PDZRN3: variants seen among roughly 807,000 people sequenced by gnomAD.
The protein encoded by PDZRN3 is E3 ubiquitin-protein ligase PDZRN3.
A neutral mutation model predicts 85.7 loss-of-function variants in PDZRN3; 38 were observed. The ratio of observed to expected loss-of-function variants is 0.44; its 90% CI spans 0.34 to 0.58. The LOEUF (loss-of-function observed/expected upper bound fraction) is 0.58. Among genes scored for constraint, PDZRN3 ranks in the 20% least tolerant of loss-of-function variants. The pLI, the probability that PDZRN3 is intolerant of heterozygous loss-of-function variation, is 0.01. For synonymous variants in PDZRN3, 759 were observed against 638.0 expected (o/e 1.19, Z -2.86); for missense variants, 1,629 against 1,506.4 (o/e 1.08, Z -1.35).
intron 3 of PDZRN3, among the ~76,000 whole-genome samples, chr3:73,499,431 C>G (rs528942707): frequency 6.6e-6 from 1 of 152,318 alleles, no homozygotes; most frequent in East Asian, 1.9e-4. Context: ...CTCCCAGGCT[C>G]TCAGACCTGA....
chr3:73,453,845 C>T (rs1039280736), intron 3 of PDZRN3, among the ~76,000 whole-genome samples: 10 of 152,152 alleles, frequency 6.6e-5, no homozygotes, highest in African/African-American at 2.4e-4. Flanking sequence ...GATCTCTTTC[C>T]ATTTCCTGCA....
chr3:73,619,533 C>T (rs1559759943), intron 1 of PDZRN3, among the ~76,000 whole-genome samples: 1 of 152,160 alleles, frequency 6.6e-6, no homozygotes, highest in Non-Finnish European at 1.5e-5. Flanking sequence ...GACAGAAAGG[C>T]TGTGGGCAAG....
intron 3 of PDZRN3, among the ~76,000 whole-genome samples, chr3:73,468,387 T>C (rs534050590): frequency 6.2e-4 from 95 of 152,286 alleles, no homozygotes; most frequent in African/African-American, 2.3e-3. Context: ...CTTACAAATT[T>C]GTGTTGTTTT....
At chr3:73,402,941 C>CGTTTTTTTTTTTTT (rs1701780634) in intron 4 of PDZRN3, among the ~76,000 whole-genome samples, 1 of 115,674 alleles carries the variant, frequency 8.6e-6, no homozygotes, top group Non-Finnish European at 1.7e-5. Context: ...ACATGAAAAG[C>CGTTTTTTTTTTTTT]TTTTTTTTTT....
At chr3:73,393,578 G>C (rs1701572845) in intron 5 of PDZRN3, among the ~76,000 whole-genome samples, 1 of 152,170 alleles carries the variant, frequency 6.6e-6, no homozygotes, top group Non-Finnish European at 1.5e-5. Context: ...ACCGTGTATT[G>C]GTTAGAGACA....
At chr3:73,440,350 G>A (rs1303504167) in intron 3 of PDZRN3, among the ~76,000 whole-genome samples, 1 of 152,204 alleles carries the variant, frequency 6.6e-6, no homozygotes, top group African/African-American at 2.4e-5. Flanking sequence ...ATCAGTCTCT[G>A]AAAGTCATGC....
chr3:73,543,478 T>C (rs146467785), intron 3 of PDZRN3, among the ~76,000 whole-genome samples: 50 of 152,362 alleles, frequency 3.3e-4, no homozygotes, highest in Middle Eastern at 3.4e-3. Context: ...AATTTGTTCT[T>C]TCATGTTTAC....
At chr3:73,577,971 G>T (rs978868249) in intron 3 of PDZRN3, among the ~76,000 whole-genome samples, 3 of 152,212 alleles carry the variant, frequency 2.0e-5, no homozygotes, top group Admixed American at 2.0e-4. Flanking sequence ...AATGGTTGAA[G>T]CAAACGCCAC....
rs143432881 is a variant in PDZRN3, at chr3:73,448,351, G to A, written c.919-43956C>T. ...CTGGCTTGCAGCATTAATGGTAAATGCTCAGTAGATTTTAGTTTTCTTCCT... is the reference window on the plus strand; with the variant it reads ...CTGGCTTGCAGCATTAATGGTAAATACTCAGTAGATTTTAGTTTTCTTCCT... On this transcript the variant is annotated intron_variant, in intron 3 of 9. Coordinates refer to ENST00000263666, the MANE Select transcript of PDZRN3 (RefSeq NM_015009.3). Among the ~76,000 whole-genome samples, 12 of 152,322 alleles carry A rather than the reference G, an allele frequency of 7.9e-5. No individual in the cohort carries two copies. In the East Asian group the frequency reaches 2.3e-3, roughly 29 times the overall value.
chr3:73,385,033 T>C, intron 9 of PDZRN3, 103 bp from the exon 10 acceptor site: 3 of 1,364,116 alleles, frequency 2.2e-6, no homozygotes, highest in East Asian at 2.3e-5. Flanking sequence ...AGGCTGTACA[T>C]TTCTAAGGCC....
intron 4 of PDZRN3, among the ~76,000 whole-genome samples, chr3:73,401,455 G>T (rs1454180994): frequency 2.0e-5 from 3 of 152,148 alleles, no homozygotes; most frequent in Admixed American, 2.0e-4. Context: ...TCAAAAGGCT[G>T]AGAATGAAAC....
intron 3 of PDZRN3, chr3:73,433,749 A>ACCCGGGAAAAGCAGCT (rs1367377421): frequency 1.3e-5 from 20 of 1,534,702 alleles, no homozygotes; most frequent in East Asian, 2.4e-5. Flanking sequence ...TCTCGCCAGC[A>ACCCGGGAAAAGCAGCT]CCCGGGAAAA....
chr3:73,521,470 T>G (rs1704364815), intron 3 of PDZRN3, among the ~76,000 whole-genome samples: 4 of 152,054 alleles, frequency 2.6e-5, no homozygotes, highest in Admixed American at 2.0e-4. Context: ...CACAGCAGTG[T>G]GCAATCAGGA....
intron 3 of PDZRN3, among the ~76,000 whole-genome samples, chr3:73,459,708 T>G (rs1703065099): frequency 6.6e-6 from 1 of 152,250 alleles, no homozygotes; most frequent in South Asian, 2.1e-4. Context: ...GGCTGCATAG[T>G]ATTTCATGGT....
At chr3:73,436,356 G>C (rs986283725) in intron 3 of PDZRN3, among the ~76,000 whole-genome samples, 1 of 152,182 alleles carries the variant, frequency 6.6e-6, no homozygotes, top group Non-Finnish European at 1.5e-5. Context: ...AGAGATGAAG[G>C]ATGACCTGTG....
chr3:73,511,324 C>T (rs1704160017), intron 3 of PDZRN3, among the ~76,000 whole-genome samples: 1 of 152,188 alleles, frequency 6.6e-6, no homozygotes, highest in Non-Finnish European at 1.5e-5. Flanking sequence ...CGGGACGACT[C>T]TCTTAGCCCT....
chr3:73,409,093 CTTAAA>C lies in PDZRN3; in HGVS notation c.919-4703_919-4699del, dbSNP rs531602345. ...TGCAAACTTTATTATAAATTAAATG[CTTAAA>C]TTATTCACCTAAGGCTCTGGCTGGT... On this transcript the variant is annotated intron_variant, in intron 3 of 9. Transcript: ENST00000263666. 8.1e-4 allele frequency among the ~76,000 whole-genome samples: 123 copies of C among 152,274 alleles called. 1 individual carries two copies. The highest frequency in any genetic ancestry group is 3.3e-3 in the East Asian group (17 of 5,188).
chr3:73,409,587 G>C (rs1192997170), intron 3 of PDZRN3, among the ~76,000 whole-genome samples: 3 of 152,150 alleles, frequency 2.0e-5, no homozygotes, highest in African/African-American at 7.2e-5. Context: ...GAAATGGAAA[G>C]ATGAATGCAT....
In PDZRN3 at chr3:73,469,077, C is replaced by CT. The variant is rs536974688; in HGVS notation, c.919-64683dup. ...TTTCTTTCAAGAAAAAAAGATTCAT[C>CT]TTTTTTTTTTTTTTGAGATGAAGTC... is the stretch of plus-strand genomic sequence containing the variant. On this transcript the variant is annotated intron_variant, in intron 3 of 9. Coordinates refer to ENST00000263666, the MANE Select transcript of PDZRN3 (RefSeq NM_015009.3). Among the ~76,000 whole-genome samples, 371 of 144,094 alleles carry CT rather than the reference C, an allele frequency of 2.6e-3. 1 individual carries two copies. Among genetic ancestry groups the CT allele is most frequent in the Middle Eastern group, 7.2e-3 (2 of 278 alleles). 94.5% of individuals were successfully genotyped at this position (144,094 alleles called of 152,430 possible).
Sources: allele counts gnomAD v4.1 joint callset (sites outside exome capture counted in the v4.1 genomes callset), GRCh38; gene constraint gnomAD v4.1.1; transcripts MANE v1.5; gene names NCBI Gene and HGNC (gene_info 2026-07-23, HGNC 2026-07-21).